Variants in XPR1 observed in about 807,000 individuals in gnomAD.
XPR1 encodes the protein xenotropic and polytropic retrovirus receptor 1.
In XPR1, 28 loss-of-function variants were observed where a neutral mutation model predicts 87.5. That is an observed-to-expected ratio of 0.32 (90% CI 0.24 to 0.44). XPR1 has a LOEUF of 0.44. Among genes scored for constraint, XPR1 ranks in the 20% least tolerant of loss-of-function variants. XPR1 has a pLI of 1.00. For missense variants in XPR1, 559 were observed against 862.3 expected (o/e 0.65, Z 4.41); for synonymous variants, 300 against 306.1 (o/e 0.98, Z 0.21).
Position 180,632,044 on chromosome 1 carries a change from C to A in XPR1, c.-158C>A. ...GCTATGGAGAGGAGGAGGAAGATGG[C>A]GGGCGGGCTGCTCTGAAGAGACCTC... On this transcript the variant is annotated 5_prime_UTR_variant, in exon 1 of 15. Transcript: ENST00000367590. The A allele has an allele frequency of 2.6e-6, 2 of 777,734 alleles. No homozygotes were observed. The highest frequency in any genetic ancestry group is 2.1e-5 in the Admixed American group (1 of 47,268). 48.2% of individuals were successfully genotyped at this position (777,734 alleles called of 1,614,324 possible). A position where few individuals can be genotyped will look rare whatever the true frequency, so the allele number is the denominator to read the frequency against.
In XPR1 at chr1:180,674,405, C is replaced by T. The variant is rs1656293966; in HGVS notation, c.70-7955C>T. 2.6e-5 allele frequency among the ~76,000 whole-genome samples: 4 copies of T among 152,038 alleles called. No homozygotes were observed. The South Asian group carries it at 8.3e-4, about 32-fold the overall frequency. ...TCCTGAGTAGCTGGGATTACAGGCG[C>T]CTGCCCCCACGCCTGGCAAATGTTT... On this transcript the variant is annotated intron_variant, in intron 1 of 14. Transcript: ENST00000367590.
intron 2 of XPR1, among the ~76,000 whole-genome samples, chr1:180,742,146 G>C (rs1020154456): frequency 1.3e-5 from 2 of 150,964 alleles, no homozygotes; most frequent in Non-Finnish European, 3.0e-5. Flanking sequence ...TTTTTGGTTT[G>C]TTTTCAATGT....
intron 11 of XPR1, among the ~76,000 whole-genome samples, chr1:180,852,114 CT>C (rs1431955001): frequency 6.6e-6 from 1 of 151,608 alleles, no homozygotes; most frequent in Non-Finnish European, 1.5e-5. Flanking sequence ...TGCAATAATA[CT>C]ATATTATCAG....
chr1:180,692,777 A>C (rs1409925157), intron 2 of XPR1, among the ~76,000 whole-genome samples: 6 of 152,192 alleles, frequency 3.9e-5, no homozygotes, highest in Non-Finnish European at 7.4e-5. Context: ...GCTCATTGTT[A>C]TGACGTTAGA....
At chr1:180,791,236 A>G (rs1649366606) in intron 3 of XPR1, among the ~76,000 whole-genome samples, 1 of 152,202 alleles carries the variant, frequency 6.6e-6, no homozygotes, top group Non-Finnish European at 1.5e-5. Context: ...GTTTATGAAG[A>G]AAAATATCTA....
chr1:180,766,555 G>T (rs564625821), intron 2 of XPR1, among the ~76,000 whole-genome samples: 1 of 151,926 alleles, frequency 6.6e-6, no homozygotes, highest in Non-Finnish European at 1.5e-5. Context: ...AGAAATTGTC[G>T]TCACAATCAT....
chr1:180,776,512 T>A (rs1648734030), intron 2 of XPR1, among the ~76,000 whole-genome samples: 1 of 152,054 alleles, frequency 6.6e-6, no homozygotes, highest in Non-Finnish European at 1.5e-5. Context: ...GTCCTTGTAT[T>A]TTAAAATGTA....
In XPR1 at chr1:180,863,702, C is replaced by A; in HGVS notation, c.1502-6C>A. The A allele has an allele frequency of 6.4e-7, 1 of 1,552,606 alleles. No homozygotes were observed. The highest frequency in any genetic ancestry group is 8.7e-7 in the Non-Finnish European group (1 of 1,155,350). On this transcript the variant is annotated splice_region_variant and splice_polypyrimidine_tract_variant and intron_variant, in intron 11 of 14. Coordinates refer to ENST00000367590, the MANE Select transcript of XPR1 (RefSeq NM_004736.4). ...TCTCTTTTCTCTTTCCCTCTTCTTTCTTCAGAACGAGGTCACTCGGACACT... is the reference window on the plus strand; with the variant it reads ...TCTCTTTTCTCTTTCCCTCTTCTTTATTCAGAACGAGGTCACTCGGACACT...
At chr1:180,827,150 T>C (rs890140070) in intron 9 of XPR1, among the ~76,000 whole-genome samples, 4 of 107,218 alleles carry the variant, frequency 3.7e-5, no homozygotes, top group African/African-American at 2.0e-4. Flanking sequence ...TGAGACTCCT[T>C]CTCAAAAAAA....
At chr1:180,810,451 C>A (rs1650166750) in intron 6 of XPR1, among the ~76,000 whole-genome samples, 1 of 151,942 alleles carries the variant, frequency 6.6e-6, no homozygotes, top group Non-Finnish European at 1.5e-5. Context: ...CATGGTGGCA[C>A]ACACAGTAGT....
intron 7 of XPR1, among the ~76,000 whole-genome samples, chr1:180,821,203 A>G (rs745413611): frequency 4.6e-5 from 7 of 152,180 alleles, no homozygotes; most frequent in South Asian, 2.1e-4. Context: ...GAAGTCATCA[A>G]TGAGTTTTGA....
At chr1:180,710,698 C>G (rs1343555504) in intron 2 of XPR1, among the ~76,000 whole-genome samples, 2 of 152,262 alleles carry the variant, frequency 1.3e-5, no homozygotes, top group Non-Finnish European at 2.9e-5. Context: ...ATGGCCTGCT[C>G]TCAATGAGCT....
chr1:180,852,028 A>G (rs1009962866), intron 11 of XPR1, among the ~76,000 whole-genome samples: 1 of 151,704 alleles, frequency 6.6e-6, no homozygotes, highest in Non-Finnish European at 1.5e-5. Flanking sequence ...AACAAAACAT[A>G]TCTTGCCTTT....
intron 2 of XPR1, among the ~76,000 whole-genome samples, chr1:180,736,353 A>G (rs1167559713): frequency 6.6e-6 from 1 of 152,214 alleles, no homozygotes; most frequent in African/African-American, 2.4e-5. Flanking sequence ...TGAGGACTAA[A>G]GGACTCTTTT....
At chr1:180,668,772 T>G (rs1459859826) in intron 1 of XPR1, among the ~76,000 whole-genome samples, 1 of 152,192 alleles carries the variant, frequency 6.6e-6, no homozygotes, top group Non-Finnish European at 1.5e-5. Flanking sequence ...GAGAAAATAC[T>G]TTCTTTGTAT....
intron 2 of XPR1, among the ~76,000 whole-genome samples, chr1:180,748,094 A>C (rs1203686165): frequency 6.6e-6 from 1 of 152,200 alleles, no homozygotes; most frequent in Non-Finnish European, 1.5e-5. Flanking sequence ...TCCATACCCC[A>C]GCTTGAATCA....
Position 180,698,986 on chromosome 1 carries a change from G to C in XPR1, c.121+16575G>C, listed in dbSNP as rs182832235. 2.3e-3 allele frequency among the ~76,000 whole-genome samples: 343 copies of C among 152,188 alleles called. 2 individuals are homozygous for C. Among genetic ancestry groups the C allele is most frequent in the African/African-American group, 7.9e-3 (327 of 41,528 alleles). On this transcript the variant is annotated intron_variant, in intron 2 of 14. Transcript: ENST00000367590. ...ATAGTTTGACTATAATATGCTTGGC[G>C]GAGGACCTTTGTGGGTTGAATCTGT... is the stretch of plus-strand genomic sequence containing the variant.
At chr1:180,882,119 A>AACATAT (rs1421172494) in intron 14 of XPR1, among the ~76,000 whole-genome samples, 1 of 152,216 alleles carries the variant, frequency 6.6e-6, no homozygotes, top group Non-Finnish European at 1.5e-5. Flanking sequence ...GGGCAATCTA[A>AACATAT]ACATATACTA....
At chr1:180,877,937 C>G (rs184887090) in intron 13 of XPR1, 17 of 152,122 alleles carry the variant, frequency 1.1e-4, no homozygotes, top group Admixed American at 6.5e-4. Context: ...TAACATTCGT[C>G]TAAGTCAAGA....
Sources: allele counts gnomAD v4.1 joint callset (sites outside exome capture counted in the v4.1 genomes callset), GRCh38; gene constraint gnomAD v4.1.1; transcripts MANE v1.5; gene names NCBI Gene and HGNC (gene_info 2026-07-23, HGNC 2026-07-21).